Variants in ELF4 observed in about 807,000 individuals in gnomAD.
ELF4 encodes the protein E74 like ETS transcription factor 4.
ELF4 carries 10 observed loss-of-function variants against 31.7 expected under a neutral mutation model. The ratio of observed to expected loss-of-function variants is 0.32; its 90% CI spans 0.19 to 0.54. The LOEUF is 0.54. Ranked by LOEUF, ELF4 falls within the 20% of genes least tolerant of loss-of-function variation. ELF4 has a pLI of 0.95. For missense variants in ELF4, 418 were observed against 522.0 expected, an observed-to-expected ratio of 0.80 and a Z score of 1.94; for synonymous variants, 208 against 226.7, an observed-to-expected ratio of 0.92 and a Z score of 0.74.
intron 1 of ELF4, among the ~76,000 whole-genome samples, chrX:130,086,582 A>G (rs1179336579): frequency 8.9e-6 from 1 of 111,999 alleles, no homozygotes; most frequent in Non-Finnish European, 1.9e-5. Context: ...TCCTAGCAAG[A>G]TGTGTGACCA....
upstream of ELF4, among the ~76,000 whole-genome samples, chrX:130,111,093 C>T (rs1319030247): frequency 1.8e-5 from 2 of 108,269 alleles, no homozygotes; most frequent in East Asian, 3.0e-4. Flanking sequence ...GTCGCCAGCA[C>T]GGCATGGGGA....
chrX:130,101,845 A>AC (rs1933266328), intron 1 of ELF4, among the ~76,000 whole-genome samples: 2 of 105,081 alleles, frequency 1.9e-5, no homozygotes, highest in African/African-American at 7.1e-5. Context: ...ACAAAACAAA[A>AC]ACAAGGCCAG....
chrX:130,094,524 G>A (rs1289733401), intron 1 of ELF4, among the ~76,000 whole-genome samples: 1 of 108,071 alleles, frequency 9.3e-6, no homozygotes, highest in East Asian at 2.9e-4. Context: ...CCAAGATCAC[G>A]CCACTGCACT....
At chrX:130,106,812 C>A (rs902966012) in intron 1 of ELF4, among the ~76,000 whole-genome samples, 1 of 111,668 alleles carries the variant, frequency 9.0e-6, no homozygotes, top group Non-Finnish European at 1.9e-5. Flanking sequence ...TGCCCAGGGC[C>A]TTTCCCAGCT....
At position 130,067,340 on chromosome X, in the gene ELF4, G is replaced by A; in HGVS notation, c.1373C>T (p.Thr458Ile). Residue 458 changes from threonine to isoleucine, a missense_variant, in exon 9 of 9, where the codon ACT (threonine) becomes ATT (isoleucine). Physicochemically the swap from Thr to Ile is moderately conservative, Grantham distance 89. This residue lies in a region of ELF4 where 260 missense variants were observed against 269.2 expected (regional missense o/e 0.97). Transcript: ENST00000308167. The part of the protein sequence containing the change: ...PAASTFKDTF[T>I]LQASFPLNAS... ...GTTCAGGGGGAAAGAGGCCTGCAAA[G>A]TGAAGGTGTCCTTGAAAGTAGAGGC... The A allele has an allele frequency of 1.6e-6, 2 of 1,212,357 alleles. No homozygotes were observed. Among genetic ancestry groups the A allele is most frequent in the Non-Finnish European group, 1.1e-6 (1 of 895,640 alleles).
At chrX:130,088,289 G>C (rs1932993536) in intron 1 of ELF4, among the ~76,000 whole-genome samples, 1 of 28,302 alleles carries the variant, frequency 3.5e-5, no homozygotes, top group Non-Finnish European at 5.9e-5. Flanking sequence ...GATGGAGGGA[G>C]ACCAGGTAGG....
chrX:130,078,761 C>A (rs866184422), intron 2 of ELF4, among the ~76,000 whole-genome samples: 28 of 70,661 alleles, frequency 4.0e-4, no homozygotes, highest in Non-Finnish European at 7.6e-4. Context: ...CTCTCTCTCT[C>A]TACACACACA....
At position 130,066,404 on chromosome X, in the gene ELF4, CT is replaced by C. The variant is rs1932671158; in HGVS notation, c.*316del. On this transcript the variant is annotated 3_prime_UTR_variant, in exon 9 of 9. Coordinates refer to ENST00000308167, the MANE Select transcript of ELF4 (RefSeq NM_001421.4). ...TGAGATAGAGCCAGGTAGAAGGGCT[CT>C]TCTCACAAAGCTGCTGCACAAACCC... 1 of 333,135 alleles carries C rather than the reference CT, an allele frequency of 3.0e-6. No individual in the cohort carries two copies. Among genetic ancestry groups the C allele is most frequent in the Non-Finnish European group, 5.2e-6 (1 of 191,872 alleles). 27.5% of individuals were successfully genotyped at this position (333,135 alleles called of 1,213,427 possible).
intron 4 of ELF4, among the ~76,000 whole-genome samples, chrX:130,072,676 G>T (rs990378925): frequency 3.6e-5 from 4 of 112,178 alleles, no homozygotes; most frequent in Non-Finnish European, 7.5e-5. Flanking sequence ...AGTTCTAGGC[G>T]GCACCCCAGG....
In ELF4 at chrX:130,076,049, C is replaced by T. The variant is rs191377284; in HGVS notation, c.76-1297G>A. On this transcript the variant is annotated intron_variant, in intron 2 of 8. Transcript: ENST00000308167. ...ACCTTTGGGACATCTGAAATAGAGA[C>T]GCCTATCAGGGAGTCAAAAATAAGT... Among the ~76,000 whole-genome samples the T allele has an allele frequency of 4.3e-3, 482 of 111,370 alleles. 4 individuals carry two copies. The highest frequency in any genetic ancestry group is 0.015 in the African/African-American group (458 of 30,552).
intron 7 of ELF4, among the ~76,000 whole-genome samples, chrX:130,070,348 A>G (rs955700470): frequency 1.8e-5 from 2 of 111,193 alleles, no homozygotes; most frequent in South Asian, 3.7e-4. Context: ...CGAGGTGGGC[A>G]GATCACGAGG....
Position 130,066,527 on chromosome X carries a change from C to A in ELF4, c.*194G>T. The A allele has an allele frequency of 4.2e-6, 2 of 476,587 alleles. No homozygotes were observed. The allele number at this position is 476,587 out of a possible 1,213,427, so 39.3% of individuals were successfully genotyped here. ...GCATATGCCCTAGTGCTCTTGAAGG[C>A]CATAGTCTGATGCCAGGGATGCTTA... On this transcript the variant is annotated 3_prime_UTR_variant, in exon 9 of 9. Transcript: ENST00000308167.
chrX:130,071,786 G>A (rs1215021870), intron 5 of ELF4, among the ~76,000 whole-genome samples: 4 of 112,634 alleles, frequency 3.6e-5, no homozygotes, highest in Non-Finnish European at 5.6e-5. Flanking sequence ...AGCAGCCATC[G>A]CCTGAGTAAA....
chrX:130,078,762 T>C (rs760522263), intron 2 of ELF4, among the ~76,000 whole-genome samples: 120 of 84,878 alleles, frequency 1.4e-3, no homozygotes, highest in Admixed American at 2.9e-3. Flanking sequence ...TCTCTCTCTC[T>C]ACACACACAC....
At chrX:130,107,052 G>A (rs1438329334) in intron 1 of ELF4, among the ~76,000 whole-genome samples, 2 of 112,108 alleles carry the variant, frequency 1.8e-5, no homozygotes, top group African/African-American at 6.5e-5. Context: ...AAGACGGGCG[G>A]ATCACCTGAG....
At chrX:130,108,322 CA>C (rs1411156615) in intron 1 of ELF4, among the ~76,000 whole-genome samples, 3 of 102,475 alleles carry the variant, frequency 2.9e-5, no homozygotes, top group Non-Finnish European at 6.0e-5. Context: ...AAACAAAAAC[CA>C]AAAAAAAAAC....
At chrX:130,101,580 G>A (rs752949509) in intron 1 of ELF4, among the ~76,000 whole-genome samples, 14 of 110,765 alleles carry the variant, frequency 1.3e-4, no homozygotes, top group African/African-American at 4.6e-4. Context: ...ATCACCTGAG[G>A]TCGGAGTTCC....
chrX:130,099,101 G>A (rs1336044431), intron 1 of ELF4, among the ~76,000 whole-genome samples: 2 of 112,502 alleles, frequency 1.8e-5, no homozygotes, highest in African/African-American at 6.5e-5. Flanking sequence ...GGGAAAGTTT[G>A]GAAAAACTCT....
At chrX:130,078,762 TACACAC>T (rs530565075) in intron 2 of ELF4, among the ~76,000 whole-genome samples, 1,965 of 84,799 alleles carry the variant, frequency 0.023, 37 homozygotes, top group African/African-American at 0.056. Context: ...TCTCTCTCTC[TACACAC>T]ACACACACAC....
Sources: allele counts gnomAD v4.1 joint callset (sites outside exome capture counted in the v4.1 genomes callset), GRCh38; gene constraint gnomAD v4.1.1; regional missense constraint gnomAD v4.1.1; transcripts MANE v1.5; gene names NCBI Gene and HGNC (gene_info 2026-07-23, HGNC 2026-07-21).